Variants in MYO16 observed in about 807,000 individuals in gnomAD.
MYO16 encodes unconventional myosin-XVI.
Under a neutral mutation model 205.3 loss-of-function variants are expected in MYO16, and 94 were observed. The ratio of observed to expected loss-of-function variants is 0.46; its 90% CI spans 0.39 to 0.54. The LOEUF (loss-of-function observed/expected upper bound fraction) is 0.54, where lower values mean the gene tolerates loss of function less well. Among genes scored for constraint, MYO16 ranks in the 20% least tolerant of loss-of-function variants. The pLI, the probability that MYO16 is intolerant of heterozygous loss-of-function variation, is 0.00. For missense variants in MYO16, 2,315 were observed against 2,387.5 expected (o/e 0.97, Z 0.63); for synonymous variants, 988 against 954.0 (o/e 1.04, Z -0.66).
chr13:109,186,831 C>G (rs1879708825), intron 34 of MYO16, among the ~76,000 whole-genome samples: 1 of 152,176 alleles, frequency 6.6e-6, no homozygotes, highest in Non-Finnish European at 1.5e-5. Context: ...ATTAACATCA[C>G]TGAAAATGCC....
chr13:108,849,078 T>C (rs899681603), intron 10 of MYO16, among the ~76,000 whole-genome samples: 1 of 152,210 alleles, frequency 6.6e-6, no homozygotes, highest in Non-Finnish European at 1.5e-5. Context: ...TGTCCAGGCA[T>C]GGCATGGGTG....
At chr13:108,534,415 A>C in the MYO16 span, among the ~76,000 whole-genome samples, 1 of 152,034 alleles carries the variant, frequency 6.6e-6, no homozygotes, top group East Asian at 1.9e-4. Context: ...AGAATCCCAA[A>C]TTTACTTGAT....
intron 4 of MYO16, among the ~76,000 whole-genome samples, chr13:108,776,305 A>C (rs1047329308): frequency 1.3e-5 from 2 of 152,122 alleles, no homozygotes; most frequent in Non-Finnish European, 2.9e-5. Flanking sequence ...AAGCATGGGA[A>C]ACTAAGGCAT....
At chr13:108,559,440 G>A in the MYO16 span, among the ~76,000 whole-genome samples, 1 of 146,718 alleles carries the variant, frequency 6.8e-6, no homozygotes, top group Non-Finnish European at 1.5e-5. Context: ...GACCCAGTTT[G>A]TGGTGCTTTT....
chr13:109,079,000 A>C (rs773343244), intron 27 of MYO16, among the ~76,000 whole-genome samples: 5 of 151,896 alleles, frequency 3.3e-5, no homozygotes, highest in Admixed American at 1.3e-4. Flanking sequence ...GCCTCTGAAA[A>C]TCTCCAGAAA....
chr13:108,993,152 T>C (rs1218217785), intron 21 of MYO16, among the ~76,000 whole-genome samples: 2 of 152,058 alleles, frequency 1.3e-5, no homozygotes, highest in Non-Finnish European at 2.9e-5. Flanking sequence ...CTCCATAGCA[T>C]TTGGGAGGAA....
At chr13:108,850,553 ATTATTG>A (rs1283121517) in intron 10 of MYO16, among the ~76,000 whole-genome samples, 1 of 152,180 alleles carries the variant, frequency 6.6e-6, no homozygotes, top group Non-Finnish European at 1.5e-5. Flanking sequence ...TTATCTGGTA[ATTATTG>A]TTATAATTGT....
intron 31 of MYO16, among the ~76,000 whole-genome samples, chr13:109,133,179 C>T (rs551338099): frequency 1.5e-4 from 23 of 152,336 alleles, no homozygotes; most frequent in African/African-American, 3.4e-4. Flanking sequence ...ATCCTACATC[C>T]ACTCATGTAC....
chr13:108,993,986 C>T (rs1884922899), intron 21 of MYO16, among the ~76,000 whole-genome samples: 1 of 152,108 alleles, frequency 6.6e-6, no homozygotes, highest in Non-Finnish European at 1.5e-5. Flanking sequence ...AGGGGACTTG[C>T]CTCACAAGCT....
chr13:108,930,580 T>G (rs910494473), intron 16 of MYO16, among the ~76,000 whole-genome samples: 2 of 152,184 alleles, frequency 1.3e-5, no homozygotes, highest in African/African-American at 4.8e-5. Context: ...TCCCAAATCT[T>G]ATTTTAAATT....
intron 2 of MYO16, among the ~76,000 whole-genome samples, chr13:108,688,405 G>A (rs1355354480): frequency 6.6e-6 from 1 of 152,102 alleles, no homozygotes. Context: ...TTTAAAACTA[G>A]AAGTTACAAT....
intron 27 of MYO16, among the ~76,000 whole-genome samples, chr13:109,089,540 A>G (rs1309264171): frequency 3.3e-5 from 5 of 152,050 alleles, no homozygotes. Context: ...AATATGCTTC[A>G]TTTGTACATT....
At chr13:108,680,361 T>A (rs1882410988) in intron 2 of MYO16, among the ~76,000 whole-genome samples, 1 of 152,256 alleles carries the variant, frequency 6.6e-6, no homozygotes, top group Non-Finnish European at 1.5e-5. Context: ...AGCTAGCAAC[T>A]GTTTCTACAA....
intron 33 of MYO16, among the ~76,000 whole-genome samples, chr13:109,170,427 A>T (rs1327682850): frequency 1.3e-5 from 2 of 152,130 alleles, no homozygotes; most frequent in Admixed American, 1.3e-4. Context: ...TGGCAATTTC[A>T]TTTGGAGGGG....
At chr13:108,966,735 C>T (rs1883805687) in intron 20 of MYO16, among the ~76,000 whole-genome samples, 1 of 152,056 alleles carries the variant, frequency 6.6e-6, no homozygotes, top group Admixed American at 6.6e-5. Flanking sequence ...CATGAGTCAC[C>T]CAAACCTGAA....
At chr13:108,852,823 G>A (rs146489549) in intron 10 of MYO16, among the ~76,000 whole-genome samples, 1 of 152,180 alleles carries the variant, frequency 6.6e-6, no homozygotes, top group Non-Finnish European at 1.5e-5. Context: ...ACTTTATGAA[G>A]TATAGACTAT....
At chr13:108,957,539 GATGCACCAA>G in intron 16 of MYO16, 140 bp from the exon 17 acceptor site, 1 of 566,650 alleles carries the variant, frequency 1.8e-6, no homozygotes, top group Non-Finnish European at 3.3e-6. Flanking sequence ...CATGTGCTGT[GATGCACCAA>G]ATGCTTTGAA....
At chr13:109,169,271 T>C (rs1252290154) in intron 33 of MYO16, among the ~76,000 whole-genome samples, 1 of 152,068 alleles carries the variant, frequency 6.6e-6, no homozygotes, top group Non-Finnish European at 1.5e-5. Flanking sequence ...GTTAAAAGGG[T>C]CTAGAAATTA....
At chr13:108,581,701 C>T in the MYO16 span, among the ~76,000 whole-genome samples, 5 of 151,782 alleles carry the variant, frequency 3.3e-5, no homozygotes, top group African/African-American at 1.2e-4. Flanking sequence ...GCCTGGGCAA[C>T]ATGGTGAAAC....
Sources: gnomAD v4.1 joint callset for allele counts (sites outside exome capture counted in the v4.1 genomes callset) on GRCh38, gnomAD v4.1.1 for gene constraint, MANE v1.5 for transcripts, NCBI Gene and HGNC (gene_info 2026-07-23, HGNC 2026-07-21) for gene names.